The following NEDD4 variants were observed in gnomAD, a reference collection of about 807,000 sequenced individuals.
The protein encoded by NEDD4 is NEDD4 E3 ubiquitin protein ligase, also known as E3 ubiquitin-protein ligase NEDD4.
Under a neutral mutation model 144.9 loss-of-function variants are expected in NEDD4, and 99 were observed. The ratio of observed to expected loss-of-function variants is 0.68; its 90% CI spans 0.58 to 0.81. NEDD4 has a LOEUF of 0.81. Ranked by LOEUF, NEDD4 falls within the 30% of genes least tolerant of loss-of-function variation. The probability of loss-of-function intolerance (pLI) is 0.00; values close to 1 mark genes in which losing one functional copy is unlikely to be tolerated. For missense variants in NEDD4, 985 were observed against 1,065.9 expected, an observed-to-expected ratio of 0.92 and a Z score of 1.06; for synonymous variants, 318 against 350.6, an observed-to-expected ratio of 0.91 and a Z score of 1.04.
At chr15:55,871,474 C>T (rs1170326837) in intron 7 of NEDD4, among the ~76,000 whole-genome samples, 1 of 152,068 alleles carries the variant, frequency 6.6e-6, no homozygotes, top group Admixed American at 6.6e-5. Flanking sequence ...AAGCAGGCTG[C>T]TAGGACAATC....
chr15:55,891,243 T>C (rs2035562573), intron 5 of NEDD4, among the ~76,000 whole-genome samples: 1 of 152,198 alleles, frequency 6.6e-6, no homozygotes, highest in African/African-American at 2.4e-5. Flanking sequence ...ATAGCTGTAT[T>C]TCCAATATTT....
At chr15:55,967,187 A>G (rs1326195709) in intron 1 of NEDD4, among the ~76,000 whole-genome samples, 1 of 152,190 alleles carries the variant, frequency 6.6e-6, no homozygotes, top group Non-Finnish European at 1.5e-5. Flanking sequence ...CACCCAGCCC[A>G]TAATAATTTG....
chr15:55,900,770 T>C (rs1178606026), intron 5 of NEDD4, among the ~76,000 whole-genome samples: 1 of 152,154 alleles, frequency 6.6e-6, no homozygotes, highest in East Asian at 1.9e-4. Flanking sequence ...TACTTTGCTT[T>C]TACCCTGTCA....
chr15:55,887,164 T>C (rs2035421154), intron 5 of NEDD4, among the ~76,000 whole-genome samples: 2 of 150,640 alleles, frequency 1.3e-5, no homozygotes, highest in East Asian at 3.9e-4. Flanking sequence ...CAAAAATAAA[T>C]GAAATTGAAA....
intron 1 of NEDD4, among the ~76,000 whole-genome samples, chr15:55,991,518 A>G (rs1293087648): frequency 6.6e-6 from 1 of 152,244 alleles, no homozygotes. Flanking sequence ...TGTCTGTTGA[A>G]TGAATAATCC....
chr15:55,886,143 G>A (rs1393402439), intron 5 of NEDD4, among the ~76,000 whole-genome samples: 1 of 152,102 alleles, frequency 6.6e-6, no homozygotes, highest in East Asian at 1.9e-4. Flanking sequence ...TTCAATAATA[G>A]GATATAACAA....
chr15:55,945,011 C>A (rs187565897), intron 4 of NEDD4, among the ~76,000 whole-genome samples: 1 of 151,988 alleles, frequency 6.6e-6, no homozygotes, highest in African/African-American at 2.4e-5. Flanking sequence ...CTGTATGTCA[C>A]GAACGTCAAA....
chr15:55,976,360 T>A (rs2037699541), intron 1 of NEDD4, among the ~76,000 whole-genome samples: 1 of 151,812 alleles, frequency 6.6e-6, no homozygotes, highest in Admixed American at 6.6e-5. Context: ...TATATGAAGC[T>A]CAAACAACTC....
intron 5 of NEDD4, among the ~76,000 whole-genome samples, chr15:55,894,226 AT>A (rs1385277996): frequency 2.0e-5 from 3 of 152,192 alleles, no homozygotes; most frequent in African/African-American, 7.2e-5. Context: ...GGGATCAAAA[AT>A]ATTTGAAAAG....
chr15:55,868,766 G>T (rs1221057182), intron 8 of NEDD4, among the ~76,000 whole-genome samples: 1 of 152,140 alleles, frequency 6.6e-6, no homozygotes, highest in African/African-American at 2.4e-5. Flanking sequence ...ACTTCTTTTT[G>T]ATGATAATGT....
At chr15:55,919,295 CTTG>C (rs771586536) in intron 5 of NEDD4, among the ~76,000 whole-genome samples, 5 of 152,066 alleles carry the variant, frequency 3.3e-5, no homozygotes, top group South Asian at 2.1e-4. Flanking sequence ...CAGGATTTTT[CTTG>C]TTGTTGTTGA....
intron 1 of NEDD4, among the ~76,000 whole-genome samples, chr15:55,970,645 C>A (rs1455203163): frequency 6.6e-6 from 1 of 152,158 alleles, no homozygotes; most frequent in Non-Finnish European, 1.5e-5. Context: ...CCTGGTAATC[C>A]AGGGAATTCT....
intron 1 of NEDD4, among the ~76,000 whole-genome samples, chr15:55,972,799 T>C (rs900230757): frequency 2.0e-5 from 3 of 151,928 alleles, no homozygotes; most frequent in African/African-American, 7.3e-5. Flanking sequence ...ACACAGAAAA[T>C]ATTCCATGCC....
At chr15:55,925,206 C>T (rs1407467216) in intron 4 of NEDD4, among the ~76,000 whole-genome samples, 1 of 152,186 alleles carries the variant, frequency 6.6e-6, no homozygotes. Context: ...TTCACAACAA[C>T]AACAAAGTGA....
intron 5 of NEDD4, among the ~76,000 whole-genome samples, chr15:55,903,768 T>G (rs573334047): frequency 5.1e-5 from 7 of 138,228 alleles, no homozygotes; most frequent in African/African-American, 1.9e-4. Context: ...GAGGTTGCAA[T>G]GAGCCGAGAT....
In NEDD4 at chr15:55,834,169, AAAC is replaced by A. The variant is rs753399586; in HGVS notation, c.2323-27_2323-25del. On this transcript the variant is annotated intron_variant, in intron 25 of 28. Transcript: ENST00000435532. ...AGCTACATAAGAAATGTCAAATTAT[AAAC>A]AAGGAAAATAATGGGTTCACAATTT... is the stretch of plus-strand genomic sequence containing the variant. 608 of 1,609,490 alleles carry A rather than the reference AAAC, an allele frequency of 3.8e-4. 1 individual carries two copies. Among genetic ancestry groups the A allele is most frequent in the South Asian group, 3.7e-3 (333 of 90,910 alleles).
rs144365735 is a variant in NEDD4, at chr15:55,858,950, A to G, written c.960+1457T>C. Reference sequence around the variant, plus strand: ...GGCTGTATTCCAATGGTAATTATTCATAACAGGCAGCTGCTGATTTGGCCC... The same window carrying G: ...GGCTGTATTCCAATGGTAATTATTCGTAACAGGCAGCTGCTGATTTGGCCC... On this transcript the variant is annotated intron_variant, in intron 11 of 28. Transcript: ENST00000435532. 6.7e-3 allele frequency among the ~76,000 whole-genome samples: 1,017 copies of G among 152,324 alleles called. 10 individuals are homozygous for G. The highest frequency in any genetic ancestry group is 0.024 in the African/African-American group (978 of 41,564).
intron 4 of NEDD4, among the ~76,000 whole-genome samples, chr15:55,945,505 G>C (rs1342264545): frequency 6.6e-6 from 1 of 152,086 alleles, no homozygotes; most frequent in Admixed American, 6.6e-5. Flanking sequence ...CAAGAAATAT[G>C]GGACTATGTG....
At chr15:55,940,882 T>C (rs1289283795) in intron 4 of NEDD4, among the ~76,000 whole-genome samples, 3 of 152,174 alleles carry the variant, frequency 2.0e-5, no homozygotes, top group Admixed American at 6.5e-5. Flanking sequence ...TTTTAAATTA[T>C]AAGCACCTTA....
Sources: allele counts gnomAD v4.1 joint callset (sites outside exome capture counted in the v4.1 genomes callset), GRCh38; gene constraint gnomAD v4.1.1; transcripts MANE v1.5; gene names NCBI Gene and HGNC (gene_info 2026-07-23, HGNC 2026-07-21).